The following NFE2L2 variants were observed in gnomAD, a reference collection of about 807,000 sequenced individuals.
NFE2L2 encodes the protein NFE2 like bZIP transcription factor 2.
In NFE2L2, 20 loss-of-function variants were observed where a neutral mutation model predicts 49.6. The ratio of observed to expected loss-of-function variants is 0.40; its 90% CI spans 0.28 to 0.59. The LOEUF is 0.59. Among genes scored for constraint, NFE2L2 ranks in the 20% least tolerant of loss-of-function variants. NFE2L2 has a pLI of 0.40. For missense variants in NFE2L2, 578 were observed against 714.2 expected, an observed-to-expected ratio of 0.81 and a Z score of 2.17; for synonymous variants, 244 against 256.5, an observed-to-expected ratio of 0.95 and a Z score of 0.47.
chr2:177,242,765 A>G (rs1432584005), intron 1 of NFE2L2, among the ~76,000 whole-genome samples: 1 of 152,234 alleles, frequency 6.6e-6, no homozygotes, highest in East Asian at 1.9e-4. Context: ...CAAGAGGCAC[A>G]TGCAGAGTTC....
intron 1 of NFE2L2, among the ~76,000 whole-genome samples, chr2:177,241,115 C>G (rs1296847434): frequency 1.3e-5 from 2 of 152,192 alleles, no homozygotes; most frequent in Admixed American, 6.5e-5. Flanking sequence ...ACACTACTAA[C>G]TCTCAACAGA....
At chr2:177,264,440 C>G in intron 1 of NFE2L2, 92 bp downstream of exon 1, 2 of 1,339,412 alleles carry the variant, frequency 1.5e-6, no homozygotes, top group Non-Finnish European at 1.0e-6. Context: ...GTGGGGGAAG[C>G]CGGTTGCGGC....
chr2:177,254,789 G>T (rs931568991), intron 1 of NFE2L2, among the ~76,000 whole-genome samples: 1 of 152,202 alleles, frequency 6.6e-6, no homozygotes, highest in Non-Finnish European at 1.5e-5. Context: ...GCAGAGAATA[G>T]GGATTATGGA....
intron 1 of NFE2L2, among the ~76,000 whole-genome samples, chr2:177,261,732 C>T (rs747271966): frequency 3.9e-5 from 6 of 152,330 alleles, no homozygotes; most frequent in South Asian, 2.1e-4. Context: ...CACCCAGGGA[C>T]GTGCCCAGTA....
intron 1 of NFE2L2, among the ~76,000 whole-genome samples, chr2:177,261,495 T>C (rs1272939822): frequency 6.6e-6 from 1 of 152,182 alleles, no homozygotes; most frequent in African/African-American, 2.4e-5. Context: ...CTGGAAGTGG[T>C]GATTAGAAGC....
Position 177,230,551 on chromosome 2 carries a change from C to A in NFE2L2, c.*234G>T, listed in dbSNP as rs188674558. 57 of 443,912 alleles carry A rather than the reference C, an allele frequency of 1.3e-4. No individual in the cohort carries two copies. The highest frequency in any genetic ancestry group is 1.0e-3 in the African/African-American group (50 of 49,088). The allele number at this position is 443,912 out of a possible 1,614,324, so 27.5% of individuals were successfully genotyped here. On this transcript the variant is annotated 3_prime_UTR_variant, in exon 5 of 5. Coordinates refer to ENST00000397062, the MANE Select transcript of NFE2L2 (RefSeq NM_006164.5). ...AGTTTTTGTAGTATTTACACTTACA[C>A]AGAAACTAGCCCAAATGGTGTCCTA...
chr2:177,243,586 TC>T (rs753245352), intron 1 of NFE2L2, among the ~76,000 whole-genome samples: 9 of 152,170 alleles, frequency 5.9e-5, no homozygotes, highest in Non-Finnish European at 1.2e-4. Context: ...AGTGGCACCT[TC>T]CTAGCTCACT....
intron 1 of NFE2L2, among the ~76,000 whole-genome samples, chr2:177,252,959 C>T (rs1284021617): frequency 6.6e-6 from 1 of 152,192 alleles, no homozygotes; most frequent in Non-Finnish European, 1.5e-5. Context: ...CTGCCCTTTC[C>T]AGAATCTTCT....
rs1282380751 is a variant in NFE2L2 at position 177,233,465 on chromosome 2, C to T, written c.313-126G>A. 3 of 762,906 alleles carry T rather than the reference C, an allele frequency of 3.9e-6. No individual in the cohort carries two copies. The African/African-American group carries it at 5.5e-5, about 14-fold the overall frequency. The allele number at this position is 762,906 out of a possible 1,614,324, so 47.3% of individuals were successfully genotyped here. A position where few individuals can be genotyped will look rare whatever the true frequency, so the allele number is the denominator to read the frequency against. ...AGTTAAGTAAATATTTATCTTATTT[C>T]AGAGATCACTTTGATGCACAATTTG... On this transcript the variant is annotated intron_variant, in intron 2 of 4. Coordinates refer to ENST00000397062, the MANE Select transcript of NFE2L2 (RefSeq NM_006164.5).
intron 1 of NFE2L2, among the ~76,000 whole-genome samples, chr2:177,245,403 C>G (rs1690089638): frequency 6.6e-6 from 1 of 152,112 alleles, no homozygotes; most frequent in Admixed American, 6.6e-5. Context: ...CAACTCTTGC[C>G]AAGTTATTTG....
chr2:177,257,214 A>G (rs1043485916), intron 1 of NFE2L2, among the ~76,000 whole-genome samples: 2 of 152,254 alleles, frequency 1.3e-5, no homozygotes, highest in East Asian at 1.9e-4. Flanking sequence ...AGAGTAAGAC[A>G]GTGTTCCGTC....
chr2:177,234,292 G>A (rs762874613), intron 1 of NFE2L2, 21 bp from the exon 2 acceptor site: 1 of 1,581,520 alleles, frequency 6.3e-7, no homozygotes, highest in Non-Finnish European at 8.6e-7. Flanking sequence ...GACAAAAAAA[G>A]GAAGGAGAGA....
intron 1 of NFE2L2, among the ~76,000 whole-genome samples, chr2:177,250,741 G>T (rs576764236): frequency 1.6e-3 from 251 of 152,332 alleles, no homozygotes; most frequent in Middle Eastern, 3.4e-3. Context: ...CTTCCTCAGG[G>T]AGGCTGCACA....
intron 1 of NFE2L2, among the ~76,000 whole-genome samples, chr2:177,234,682 G>C (rs1689678316): frequency 6.6e-6 from 1 of 152,186 alleles, no homozygotes; most frequent in Non-Finnish European, 1.5e-5. Context: ...TGAATACATG[G>C]AGTTTTCTTT....
rs543787599 is a variant in NFE2L2 at position 177,235,070 on chromosome 2, T to G, written c.46-799A>C. On this transcript the variant is annotated intron_variant, in intron 1 of 4. Coordinates refer to ENST00000397062, the MANE Select transcript of NFE2L2 (RefSeq NM_006164.5). ...AGGCAGAGGTTGCAGTCAGCTGAGA[T>G]CGCACCACTGCACTCCAGCCTGGGC... is the stretch of plus-strand genomic sequence containing the variant. 1.6e-3 allele frequency among the ~76,000 whole-genome samples: 240 copies of G among 151,314 alleles called. 1 individual carries two copies. The highest frequency in any genetic ancestry group is 5.6e-3 in the African/African-American group (232 of 41,156).
At chr2:177,261,182 AAAAC>A (rs1304923207) in intron 1 of NFE2L2, among the ~76,000 whole-genome samples, 12 of 146,270 alleles carry the variant, frequency 8.2e-5, no homozygotes, top group South Asian at 2.2e-4. Flanking sequence ...AAAAAAAAAA[AAAAC>A]AAAAAACAAA....
intron 1 of NFE2L2, 110 bp from the exon 2 acceptor site, chr2:177,234,381 T>G (rs1394240977): frequency 7.9e-5 from 96 of 1,211,872 alleles, no homozygotes; most frequent in Non-Finnish European, 1.1e-4. Flanking sequence ...GTGGGGAGAT[T>G]ACAAATACAA....
chr2:177,231,117 C>CT lies in NFE2L2; in HGVS notation c.1485_1486insA (p.Ala496SerfsTer8). The CT allele has an allele frequency of 6.2e-7, 1 of 1,614,134 alleles. No homozygotes were observed. ...CTCCTACGTATATCCCGAATTAATGCAAGTTGAGCTTCATTGAACTGCTCT... is the reference window on the plus strand; with the variant it reads ...CTCCTACGTATATCCCGAATTAATGCTAAGTTGAGCTTCATTGAACTGCTCT... On this transcript the variant is annotated frameshift_variant, in exon 5 of 5. Coordinates refer to ENST00000397062, the MANE Select transcript of NFE2L2 (RefSeq NM_006164.5). LOFTEE classifies it high-confidence loss of function.
chr2:177,261,658 C>T (rs1690747537), intron 1 of NFE2L2, among the ~76,000 whole-genome samples: 2 of 152,160 alleles, frequency 1.3e-5, no homozygotes, highest in African/African-American at 4.8e-5. Flanking sequence ...ACCTGGAAAC[C>T]AGGGATAATA....
Sources: allele counts gnomAD v4.1 joint callset (sites outside exome capture counted in the v4.1 genomes callset), GRCh38; gene constraint gnomAD v4.1.1; transcripts MANE v1.5; gene names NCBI Gene and HGNC (gene_info 2026-07-23, HGNC 2026-07-21).